The following FBXO30 variants were observed in gnomAD, a reference collection of about 807,000 sequenced individuals.
The protein encoded by FBXO30 is F-box protein 30.
A neutral mutation model predicts 58.1 loss-of-function variants in FBXO30; 21 were observed. The ratio of observed to expected loss-of-function variants is 0.36; its 90% CI spans 0.26 to 0.52. FBXO30 has a LOEUF of 0.52. FBXO30 is among the 20% of genes least tolerant of loss of function. FBXO30 has a pLI of 0.93. For synonymous variants in FBXO30, 309 were observed against 312.4 expected, an observed-to-expected ratio of 0.99 and a Z score of 0.11; for missense variants, 744 against 897.3, an observed-to-expected ratio of 0.83 and a Z score of 2.18.
chr6:145,804,774 A>G lies in FBXO30; in HGVS notation c.1632T>C (p.His544=), dbSNP rs1778111413. The change falls in exon 2 of 3, where the codon CAT becomes CAC. Residue 544 remains histidine (H), a synonymous_variant. Coordinates refer to ENST00000237281, the MANE Select transcript of FBXO30 (RefSeq NM_032145.5). ...GTTCCATCCAGCCATTGAGTCCAGC[A>G]TGAATGTCACCATGCACATTCTTAA... ...SHFKNVHGDI[H]AGLNGWMEQR... is the part of the protein sequence containing the mutation. 4.3e-6 allele frequency: 7 copies of G among 1,614,026 alleles called. No individual in the cohort carries two copies. The highest frequency in any genetic ancestry group is 5.9e-6 in the Non-Finnish European group (7 of 1,179,916).
intron 1 of FBXO30, 38 bp downstream of exon 1, chr6:145,814,565 A>G (rs1405744315): frequency 2.6e-5 from 4 of 151,730 alleles, no homozygotes; most frequent in African/African-American, 4.8e-5. Context: ...CGCAGCGCGG[A>G]CGGCGCCGGC....
chr6:145,806,642 A>T (rs1025127373), intron 1 of FBXO30, among the ~76,000 whole-genome samples: 2 of 152,236 alleles, frequency 1.3e-5, no homozygotes, highest in Admixed American at 6.5e-5. Flanking sequence ...GTAGAATGTC[A>T]TAACGGTTCA....
rs201415933 is a variant in FBXO30, at chr6:145,806,903, CT to C, written c.-16-483del. Among the ~76,000 whole-genome samples the C allele has an allele frequency of 1.2e-4, 19 of 152,170 alleles. No individual in the cohort carries two copies. The East Asian group carries it at 3.7e-3, about 29-fold the overall frequency. On this transcript the variant is annotated intron_variant, in intron 1 of 2. Transcript: ENST00000237281. ...ATATATTTAAAACTTTCTTAGAAGT[CT>C]TTTTTTATTCCTTCTAAATGAATTC...
chr6:145,809,251 A>G (rs1310465221), intron 1 of FBXO30, among the ~76,000 whole-genome samples: 1 of 152,214 alleles, frequency 6.6e-6, no homozygotes, highest in African/African-American at 2.4e-5. Context: ...TTTATTAAGA[A>G]TTATGACAAA....
Position 145,794,156 on chromosome 6 carries a change from A to C in FBXO30, c.*5950T>G, listed in dbSNP as rs921092237. On this transcript the variant is annotated 3_prime_UTR_variant, in exon 3 of 3. Transcript: ENST00000237281. The stretch of plus-strand genomic sequence containing the variant: ...CCCCCAGCAACCATGAATCTGATTT[A>C]TCTCTATGAATTTACCTATTCTGCA... 1 of 152,026 alleles carries C rather than the reference A, an allele frequency of 6.6e-6. No homozygotes were observed. Among genetic ancestry groups the C allele is most frequent in the Non-Finnish European group, 1.5e-5 (1 of 67,902 alleles). The allele number at this position is 152,026 out of a possible 1,614,324, so 9.4% of individuals were successfully genotyped here.
Position 145,798,551 on chromosome 6 carries a change from C to T in FBXO30, c.*1555G>A, listed in dbSNP as rs1273153902. On this transcript the variant is annotated 3_prime_UTR_variant, in exon 3 of 3. Coordinates refer to ENST00000237281, the MANE Select transcript of FBXO30 (RefSeq NM_032145.5). The stretch of plus-strand genomic sequence containing the variant: ...GAAATAGAGACTGTTTATTCAATCT[C>T]ACAGTTGAAAAAGAAATTTTAAGCA... The T allele has an allele frequency of 6.6e-6, 1 of 152,410 alleles. No individual in the cohort carries two copies. Among genetic ancestry groups the T allele is most frequent in the Non-Finnish European group, 1.5e-5 (1 of 67,938 alleles). The allele number at this position is 152,410 out of a possible 1,614,324, so 9.4% of individuals were successfully genotyped here.
chr6:145,803,259 G>C (rs1179202854), intron 2 of FBXO30, among the ~76,000 whole-genome samples: 1 of 151,938 alleles, frequency 6.6e-6, no homozygotes, highest in East Asian at 1.9e-4. Flanking sequence ...GGGAAGAAAA[G>C]ATACAAAATC....
chr6:145,812,735 T>G (rs1398018096), intron 1 of FBXO30, among the ~76,000 whole-genome samples: 1 of 152,188 alleles, frequency 6.6e-6, no homozygotes, highest in African/African-American at 2.4e-5. Flanking sequence ...ACATTACTCA[T>G]TCTTTAAAAA....
chr6:145,806,048 A>G lies in FBXO30; in HGVS notation c.358T>C (p.Leu120=), dbSNP rs1479498684. The G allele has an allele frequency of 1.9e-6, 3 of 1,613,904 alleles. No homozygotes were observed. The highest frequency in any genetic ancestry group is 1.3e-5 in the African/African-American group (1 of 74,898). The part of the protein sequence containing the change: ...LSRDVDEVAQ[L]DMALALQDQR... ...TCTTGAAGAGCCAAGGCCATATCCA[A>G]TTGTGCCACTTCATCGACATCTCTG... Residue 120 remains leucine, a synonymous_variant, in exon 2 of 3, where the codon TTG becomes CTG. Transcript: ENST00000237281.
In FBXO30 at chr6:145,802,247, C is replaced by T. The variant is rs562833063; in HGVS notation, c.2035-1938G>A. 1.8e-4 allele frequency among the ~76,000 whole-genome samples: 28 copies of T among 152,180 alleles called. 1 individual carries two copies. The highest frequency in any genetic ancestry group is 2.6e-4 in the Non-Finnish European group (18 of 67,966). The stretch of plus-strand genomic sequence containing the variant: ...AAGAAGCTATCTTCAGGAGGTAAAA[C>T]CTGAAGAGTAAGCGGGACATAGCAA... On this transcript the variant is annotated intron_variant, in intron 2 of 2. Coordinates refer to ENST00000237281, the MANE Select transcript of FBXO30 (RefSeq NM_032145.5).
In FBXO30 at chr6:145,799,577, G is replaced by A. The variant is rs184272387; in HGVS notation, c.*529C>T. ...GCATTACCAAACTTTATGATTTTAC[G>A]TATGTAAGTATATATTAGAGATCAT... On this transcript the variant is annotated 3_prime_UTR_variant, in exon 3 of 3. Coordinates refer to ENST00000237281, the MANE Select transcript of FBXO30 (RefSeq NM_032145.5). 2 of 152,518 alleles carry A rather than the reference G, an allele frequency of 1.3e-5. No homozygotes were observed. Among genetic ancestry groups the A allele is most frequent in the East Asian group, 1.9e-4 (1 of 5,186 alleles). 9.4% of individuals were successfully genotyped at this position (152,518 alleles called of 1,614,324 possible). A position where few individuals can be genotyped will look rare whatever the true frequency, so the allele number is the denominator to read the frequency against.
At position 145,804,855 on chromosome 6, in the gene FBXO30, T is replaced by G. The variant is rs770874328; in HGVS notation, c.1551A>C (p.Ser517=). Residue 517 remains serine (S), a synonymous_variant, in exon 2 of 3, where the codon TCA becomes TCC. Coordinates refer to ENST00000237281, the MANE Select transcript of FBXO30 (RefSeq NM_032145.5). ...CVARYQPKQR[S]MFTFVCGQLF... ...ACTGTCCACACACAAAGGTAAACATTGAACGCTGCTTGGGTTGGTACCTAG... is the reference window on the plus strand; with the variant it reads ...ACTGTCCACACACAAAGGTAAACATGGAACGCTGCTTGGGTTGGTACCTAG... 32 of 1,613,804 alleles carry G rather than the reference T, an allele frequency of 2.0e-5. No individual in the cohort carries two copies. The highest frequency in any genetic ancestry group is 2.6e-5 in the Non-Finnish European group (31 of 1,179,920).
chr6:145,801,491 C>A (rs1230776008), intron 2 of FBXO30, among the ~76,000 whole-genome samples: 2 of 151,826 alleles, frequency 1.3e-5, no homozygotes, highest in Admixed American at 6.6e-5. Flanking sequence ...TCTTTTTCTA[C>A]CAATGTGGCC....
At position 145,796,806 on chromosome 6, in the gene FBXO30, A is replaced by G. The variant is rs985589984; in HGVS notation, c.*3300T>C. The stretch of plus-strand genomic sequence containing the variant: ...TATCGATATAGTAATATAAACTACC[A>G]TATCTTCAAGGGATATGGAAGTTTT... On this transcript the variant is annotated 3_prime_UTR_variant, in exon 3 of 3. Transcript: ENST00000237281. The G allele has an allele frequency of 6.6e-6, 1 of 151,984 alleles. No homozygotes were observed. Among genetic ancestry groups the G allele is most frequent in the African/African-American group, 2.4e-5 (1 of 41,404 alleles). 9.4% of individuals were successfully genotyped at this position (151,984 alleles called of 1,614,324 possible).
Position 145,805,018 on chromosome 6 carries a change from A to T in FBXO30, c.1388T>A (p.Leu463His). The part of the protein sequence containing the change: ...HIDVGTQTFS[L>H]PSAILATSTM... ...ACTTGTAGCTAATATTGCAGATGGAAGTGAAAAAGTCTGAGTCCCAACGTC... is the reference window on the plus strand; with the variant it reads ...ACTTGTAGCTAATATTGCAGATGGATGTGAAAAAGTCTGAGTCCCAACGTC... Residue 463 changes from leucine (L) to histidine (H), a missense_variant, in exon 2 of 3, where the codon CTT (leucine) becomes CAT (histidine). This residue lies in a region of FBXO30 where 334 missense variants were observed against 433.7 expected (regional missense o/e 0.77). Coordinates refer to ENST00000237281, the MANE Select transcript of FBXO30 (RefSeq NM_032145.5). 1 of 1,613,924 alleles carries T rather than the reference A, an allele frequency of 6.2e-7. No individual in the cohort carries two copies. Among genetic ancestry groups the T allele is most frequent in the Non-Finnish European group, 8.5e-7 (1 of 1,179,930 alleles).
In FBXO30 at chr6:145,808,672, ATTAC is replaced by A. The variant is rs772462209; in HGVS notation, c.-16-2255_-16-2252del. Among the ~76,000 whole-genome samples the A allele has an allele frequency of 4.4e-4, 67 of 152,188 alleles. 1 individual carries two copies. The highest frequency in any genetic ancestry group is 4.3e-4 in the Non-Finnish European group (29 of 68,012). On this transcript the variant is annotated intron_variant, in intron 1 of 2. Coordinates refer to ENST00000237281, the MANE Select transcript of FBXO30 (RefSeq NM_032145.5). ...AACTCCTCTTCACTCTCTACAATGG[ATTAC>A]TTATGATATATTTCTACTTGTATAT...
At chr6:145,801,457 A>G (rs912265998) in intron 2 of FBXO30, among the ~76,000 whole-genome samples, 3 of 151,700 alleles carry the variant, frequency 2.0e-5, no homozygotes, top group Non-Finnish European at 4.4e-5. Context: ...TCGTTAGTGT[A>G]TTTTATGTGT....
At position 145,805,072 on chromosome 6, in the gene FBXO30, T is replaced by C. The variant is rs367842440; in HGVS notation, c.1334A>G (p.Asp445Gly). ...GDSPGGRGISDSRMADIYHID... is the reference protein window; with the variant it reads ...GDSPGGRGISGSRMADIYHID... ...GTGATAAATATCAGCCATGCGGCTA[T>C]CAGATATACCCCTCCCTCCTGGAGA... is the stretch of plus-strand genomic sequence containing the variant. Residue 445 changes from aspartate (D) to glycine (G), a missense_variant, in exon 2 of 3, where the codon GAT (aspartate) becomes GGT (glycine). Physicochemically the swap from Asp to Gly is moderately conservative, Grantham distance 94. This residue lies in a region of FBXO30 where 334 missense variants were observed against 433.7 expected (regional missense o/e 0.77). Transcript: ENST00000237281. The C allele has an allele frequency of 6.2e-7, 1 of 1,614,058 alleles. No individual in the cohort carries two copies. The highest frequency in any genetic ancestry group is 8.5e-7 in the Non-Finnish European group (1 of 1,179,966).
At chr6:145,813,095 T>C (rs1014463939) in intron 1 of FBXO30, among the ~76,000 whole-genome samples, 3 of 152,194 alleles carry the variant, frequency 2.0e-5, no homozygotes, top group African/African-American at 7.2e-5. Context: ...AATGCCTATT[T>C]TGGTGACCTT....
Sources: allele counts gnomAD v4.1 joint callset (sites outside exome capture counted in the v4.1 genomes callset), GRCh38; gene constraint gnomAD v4.1.1; regional missense constraint gnomAD v4.1.1; transcripts MANE v1.5; gene names NCBI Gene and HGNC (gene_info 2026-07-23, HGNC 2026-07-21).